Variants in PTPRK observed in about 807,000 individuals in gnomAD.
PTPRK encodes the protein protein tyrosine phosphatase receptor type K.
A neutral mutation model predicts 178.0 loss-of-function variants in PTPRK; 75 were observed. The ratio of observed to expected loss-of-function variants is 0.42; its 90% confidence interval spans 0.35 to 0.51. The LOEUF (loss-of-function observed/expected upper bound fraction) is 0.51, where lower values mean the gene tolerates loss of function less well. PTPRK is among the 20% of genes least tolerant of loss of function. The probability of loss-of-function intolerance (pLI) is 0.02; values close to 1 mark genes in which losing one functional copy is unlikely to be tolerated. For synonymous variants in PTPRK, 637 were observed against 620.6 expected (o/e 1.03, Z -0.39); for missense variants, 1,441 against 1,797.8 (o/e 0.80, Z 3.59).
chr6:128,387,799 A>C (rs1367807299), intron 2 of PTPRK, among the ~76,000 whole-genome samples: 1 of 152,162 alleles, frequency 6.6e-6, no homozygotes, highest in Non-Finnish European at 1.5e-5. Context: ...GATACTGCAT[A>C]TGTAACATAT....
chr6:128,146,283 A>G (rs997406664), intron 7 of PTPRK, among the ~76,000 whole-genome samples: 27 of 152,198 alleles, frequency 1.8e-4, no homozygotes, highest in African/African-American at 6.5e-4. Context: ...TTATACTAAC[A>G]TGATCAATTT....
At chr6:128,246,937 G>A (rs1404783244) in intron 3 of PTPRK, among the ~76,000 whole-genome samples, 1 of 152,182 alleles carries the variant, frequency 6.6e-6, no homozygotes, top group Non-Finnish European at 1.5e-5. Flanking sequence ...AAACTTGGGG[G>A]AGATGGGAAA....
At chr6:128,289,275 G>A (rs116218038) in intron 3 of PTPRK, among the ~76,000 whole-genome samples, 1,634 of 152,124 alleles carry the variant, frequency 0.011, 30 homozygotes, top group African/African-American at 0.037. Context: ...TAGAAGCAGT[G>A]TCTGTTTCAG....
chr6:128,250,480 T>C (rs1816292410), intron 3 of PTPRK, among the ~76,000 whole-genome samples: 1 of 152,180 alleles, frequency 6.6e-6, no homozygotes, highest in African/African-American at 2.4e-5. Context: ...AGTCCCAATA[T>C]GTCACAGAAA....
At chr6:127,997,061 C>A in intron 16 of PTPRK, 73 bp from the exon 17 acceptor site, 1 of 1,481,512 alleles carries the variant, frequency 6.7e-7, no homozygotes, top group Non-Finnish European at 9.2e-7. Flanking sequence ...GTTCTGAAGC[C>A]CCAAATAGTA....
intron 1 of PTPRK, among the ~76,000 whole-genome samples, chr6:128,473,587 T>C (rs1017702949): frequency 2.2e-4 from 33 of 152,016 alleles, no homozygotes; most frequent in African/African-American, 8.0e-4. Context: ...ATTTTCCTAA[T>C]TGATTTTTAC....
chr6:128,010,494 C>T (rs1360376231), intron 13 of PTPRK, among the ~76,000 whole-genome samples: 1 of 151,250 alleles, frequency 6.6e-6, no homozygotes, highest in African/African-American at 2.4e-5. Context: ...TCTCTATCCC[C>T]CTCCCCGCAA....
At chr6:128,051,966 G>C (rs2114876759) in intron 13 of PTPRK, among the ~76,000 whole-genome samples, 1 of 152,020 alleles carries the variant, frequency 6.6e-6, no homozygotes, top group East Asian at 1.9e-4. Flanking sequence ...CAGAAGTTCA[G>C]CATCATATTT....
intron 1 of PTPRK, among the ~76,000 whole-genome samples, chr6:128,429,001 G>C (rs1423859520): frequency 6.6e-6 from 1 of 152,160 alleles, no homozygotes; most frequent in Non-Finnish European, 1.5e-5. Flanking sequence ...TGTATTAAAA[G>C]TATTTCTACT....
At position 128,184,743 on chromosome 6, in the gene PTPRK, G is replaced by A. The variant is rs755565428; in HGVS notation, c.869-18C>T. The A allele has an allele frequency of 1.1e-5, 18 of 1,603,984 alleles. No homozygotes were observed. The East Asian group carries it at 2.5e-4, about 22-fold the overall frequency. ...TGGCGGTTCTAGGAGAGATGAGTGT[G>A]CACTTCAATTAGTAAGATTTAAAAT... On this transcript the variant is annotated intron_variant, in intron 6 of 29. Transcript: ENST00000368226.
At chr6:128,207,392 C>A (rs1807164741) in intron 6 of PTPRK, among the ~76,000 whole-genome samples, 2 of 152,142 alleles carry the variant, frequency 1.3e-5, no homozygotes, top group South Asian at 4.1e-4. Context: ...AAAAGACTAT[C>A]CATGATTGCT....
intron 9 of PTPRK, 112 bp from the exon 10 acceptor site, chr6:128,082,750 A>AT (rs1176415002): frequency 2.8e-6 from 2 of 725,370 alleles, no homozygotes; most frequent in Admixed American, 3.5e-5. Context: ...GTCAATGGTA[A>AT]TTTTTTTCTT....
Position 128,091,938 on chromosome 6 carries a change from C to T in PTPRK, c.1163-1946G>A, listed in dbSNP as rs137935035. Among the ~76,000 whole-genome samples the T allele has an allele frequency of 2.7e-3, 413 of 152,290 alleles. 2 individuals carry two copies. Among genetic ancestry groups the T allele is most frequent in the Non-Finnish European group, 4.6e-3 (313 of 68,016 alleles). The stretch of plus-strand genomic sequence containing the variant: ...AGTAGCTCTGCATCCTCAATTCTTA[C>T]ATATCTAAGAGTGGGCAAATGATTT... On this transcript the variant is annotated intron_variant, in intron 7 of 29. Transcript: ENST00000368226.
intron 2 of PTPRK, among the ~76,000 whole-genome samples, chr6:128,322,941 G>T (rs1389240230): frequency 6.6e-6 from 1 of 152,006 alleles, no homozygotes; most frequent in Non-Finnish European, 1.5e-5. Flanking sequence ...AAAATGCCTA[G>T]AGCTGAGGAT....
intron 1 of PTPRK, among the ~76,000 whole-genome samples, chr6:128,502,300 G>C (rs1855675362): frequency 6.6e-6 from 1 of 152,190 alleles, no homozygotes; most frequent in East Asian, 1.9e-4. Context: ...GGGGAAACTT[G>C]AGTTAAACAG....
intron 1 of PTPRK, among the ~76,000 whole-genome samples, chr6:128,428,023 G>T (rs2128391617): frequency 6.6e-6 from 1 of 152,190 alleles, no homozygotes; most frequent in East Asian, 1.9e-4. Flanking sequence ...AACCCGGGAG[G>T]CGGAGATTGC....
At chr6:128,148,926 T>C (rs1796876097) in intron 7 of PTPRK, among the ~76,000 whole-genome samples, 1 of 152,006 alleles carries the variant, frequency 6.6e-6, no homozygotes, top group African/African-American at 2.4e-5. Flanking sequence ...ATTATGCCTT[T>C]CCAGGAAAAG....
chr6:128,269,545 G>C (rs1819479164), intron 3 of PTPRK, among the ~76,000 whole-genome samples: 1 of 151,820 alleles, frequency 6.6e-6, no homozygotes, highest in African/African-American at 2.4e-5. Context: ...TATAATTAGA[G>C]AGGCAAAAGA....
chr6:128,321,736 C>G, intron 3 of PTPRK: 1 of 683,374 alleles, frequency 1.5e-6, no homozygotes. Flanking sequence ...TTTGTCAAAC[C>G]ACCAACAAAT....
Sources: allele counts gnomAD v4.1 joint callset (sites outside exome capture counted in the v4.1 genomes callset), GRCh38; gene constraint gnomAD v4.1.1; transcripts MANE v1.5; gene names NCBI Gene and HGNC (gene_info 2026-07-23, HGNC 2026-07-21).